Variants in AP3B1 observed in about 807,000 individuals in gnomAD.
AP3B1 encodes AP-3 complex subunit beta-1.
AP3B1 carries 61 observed loss-of-function variants against 132.5 expected under a neutral mutation model. That is an observed-to-expected ratio of 0.46 (90% CI 0.37 to 0.57). The LOEUF is 0.57. Among genes scored for constraint, AP3B1 ranks in the 20% least tolerant of loss-of-function variants. AP3B1 has a pLI of 0.00. For synonymous variants in AP3B1, 388 were observed against 438.3 expected (o/e 0.89, Z 1.43); for missense variants, 1,120 against 1,289.4 (o/e 0.87, Z 2.01).
chr5:78,008,337 T>C (rs3797664), intron 26 of AP3B1, among the ~76,000 whole-genome samples: 26,859 of 152,208 alleles, frequency 0.18, 2,959 homozygotes, highest in Admixed American at 0.28. Flanking sequence ...TTCCCATTAG[T>C]AAAATTGTTG....
At chr5:78,143,784 C>T (rs142549811) in intron 14 of AP3B1, among the ~76,000 whole-genome samples, 124 of 152,132 alleles carry the variant, frequency 8.2e-4, no homozygotes, top group Middle Eastern at 6.8e-3. Flanking sequence ...GAGGCTGAGG[C>T]GGGTGGATCA....
intron 15 of AP3B1, 72 bp from the exon 16 acceptor site, chr5:78,129,379 T>C: frequency 8.0e-7 from 1 of 1,249,502 alleles, no homozygotes. Context: ...ATAAACATAT[T>C]TAAAGAGGTA....
intron 25 of AP3B1, among the ~76,000 whole-genome samples, 191 bp downstream of exon 25, chr5:78,020,501 A>G (rs993554596): frequency 1.3e-5 from 2 of 152,160 alleles, no homozygotes; most frequent in Non-Finnish European, 2.9e-5. Flanking sequence ...TCAATTTTCA[A>G]GTATGCCAGG....
At chr5:78,024,077 C>T (rs1747222196) in intron 24 of AP3B1, among the ~76,000 whole-genome samples, 1 of 152,062 alleles carries the variant, frequency 6.6e-6, no homozygotes, top group African/African-American at 2.4e-5. Flanking sequence ...TCTTTGGAAA[C>T]AGCCGAAAAG....
At chr5:78,099,389 G>C (rs542619862) in intron 21 of AP3B1, among the ~76,000 whole-genome samples, 1 of 152,328 alleles carries the variant, frequency 6.6e-6, no homozygotes, top group East Asian at 1.9e-4. Flanking sequence ...AATGAGCCTG[G>C]TATGTGTGAC....
chr5:78,155,718 G>A (rs1398763551), intron 14 of AP3B1, among the ~76,000 whole-genome samples: 11 of 152,012 alleles, frequency 7.2e-5, no homozygotes, highest in Admixed American at 7.2e-4. Flanking sequence ...AGAGTGAAGG[G>A]AGACTGGGCA....
At chr5:78,112,751 T>C (rs1751651338) in intron 19 of AP3B1, among the ~76,000 whole-genome samples, 1 of 152,218 alleles carries the variant, frequency 6.6e-6, no homozygotes, top group Non-Finnish European at 1.5e-5. Context: ...AAAGTGTTAT[T>C]TTATTATGCA....
intron 2 of AP3B1, among the ~76,000 whole-genome samples, chr5:78,253,957 CAAAA>C (rs35713067): frequency 1.1e-5 from 1 of 93,898 alleles, no homozygotes; most frequent in Non-Finnish European, 2.1e-5. Flanking sequence ...GACTCCACCT[CAAAA>C]AAAAAAAAAA....
intron 7 of AP3B1, among the ~76,000 whole-genome samples, chr5:78,212,047 C>T (rs1010967139): frequency 2.6e-5 from 4 of 152,118 alleles, no homozygotes; most frequent in African/African-American, 9.7e-5. Flanking sequence ...TGGGAGGCTG[C>T]CGAGGGCAGA....
intron 13 of AP3B1, among the ~76,000 whole-genome samples, chr5:78,158,699 ACTT>A (rs1421026758): frequency 2.0e-5 from 3 of 151,160 alleles, no homozygotes; most frequent in South Asian, 4.2e-4. Context: ...GGCAGGTATT[ACTT>A]CTTTTTTTTT....
At chr5:78,161,850 T>G (rs1743399912) in intron 13 of AP3B1, among the ~76,000 whole-genome samples, 1 of 151,954 alleles carries the variant, frequency 6.6e-6, no homozygotes, top group African/African-American at 2.4e-5. Flanking sequence ...CTCAACAATG[T>G]TACAGTTTTC....
chr5:78,059,326 T>C (rs1157058266), intron 22 of AP3B1, among the ~76,000 whole-genome samples: 1 of 152,230 alleles, frequency 6.6e-6, no homozygotes, highest in Non-Finnish European at 1.5e-5. Flanking sequence ...AGGAACATGG[T>C]CATGCTGACG....
At position 78,002,395 on chromosome 5, in the gene AP3B1, C is replaced by T. The variant is rs865863660; in HGVS notation, c.*507G>A. 3.8e-5 allele frequency: 15 copies of T among 394,622 alleles called. No individual in the cohort carries two copies. In the Admixed American group the frequency reaches 3.9e-4, roughly 10 times the overall value. 24.4% of individuals were successfully genotyped at this position (394,622 alleles called of 1,614,324 possible). A position where few individuals can be genotyped will look rare whatever the true frequency, so the allele number is the denominator to read the frequency against. On this transcript the variant is annotated 3_prime_UTR_variant, in exon 27 of 27. Transcript: ENST00000255194. ...TTTCATGATGACAGTTATCAATAAT[C>T]AATTACAATATCAAGAAATTCAAAG... is the stretch of plus-strand genomic sequence containing the variant.
chr5:78,235,435 T>A (rs899107433), intron 3 of AP3B1, among the ~76,000 whole-genome samples: 4 of 152,220 alleles, frequency 2.6e-5, no homozygotes, highest in African/African-American at 7.2e-5. Flanking sequence ...AATTACTCAC[T>A]ATTGGAGAAG....
intron 22 of AP3B1, among the ~76,000 whole-genome samples, chr5:78,070,722 CAAA>C (rs60255463): frequency 7.2e-6 from 1 of 137,942 alleles, no homozygotes; most frequent in African/African-American, 2.7e-5. Flanking sequence ...AAGAAAAAAA[CAAA>C]AAAAAAAACA....
rs139760966 is a variant in AP3B1, at chr5:78,294,542, C to T, written c.38G>A (p.Gly13Glu). Reference sequence around the variant, plus strand: ...ACCCAGCTCCGTCGCCTCCCCTCCTCCGGACTGCTCATTGTAAGGAAAACT... The same window carrying T: ...ACCCAGCTCCGTCGCCTCCCCTCCTTCGGACTGCTCATTGTAAGGAAAACT... ...SNSFPYNEQS[G>E]GGEATELGQE... The change falls in exon 1 of 27, where the codon GGA becomes GAA. Residue 13 changes from glycine to glutamate, a missense_variant. Gly to Glu is a moderately conservative substitution (Grantham distance 98). Transcript: ENST00000255194. The T allele has an allele frequency of 6.2e-7, 1 of 1,614,246 alleles. No homozygotes were observed. The highest frequency in any genetic ancestry group is 1.3e-5 in the African/African-American group (1 of 75,082).
intron 22 of AP3B1, among the ~76,000 whole-genome samples, chr5:78,070,057 T>C (rs770628864): frequency 1.3e-5 from 2 of 151,950 alleles, no homozygotes; most frequent in South Asian, 2.1e-4. Context: ...ATCCAGAAAA[T>C]TGATACTAGA....
intron 17 of AP3B1, among the ~76,000 whole-genome samples, chr5:78,118,809 C>T (rs992653836): frequency 5.9e-5 from 9 of 152,198 alleles, no homozygotes; most frequent in African/African-American, 1.2e-4. Context: ...CCCTGTCTGA[C>T]AGCTTTGAAG....
intron 22 of AP3B1, among the ~76,000 whole-genome samples, chr5:78,063,018 A>T (rs1749126366): frequency 6.6e-6 from 1 of 152,198 alleles, no homozygotes; most frequent in African/African-American, 2.4e-5. Flanking sequence ...ATGAAAAGTT[A>T]TCAACTGCCC....
Sources: gnomAD v4.1 joint callset for allele counts (sites outside exome capture counted in the v4.1 genomes callset) on GRCh38, gnomAD v4.1.1 for gene constraint, MANE v1.5 for transcripts, NCBI Gene and HGNC (gene_info 2026-07-23, HGNC 2026-07-21) for gene names.